Variants in NPSR1 observed in about 807,000 individuals in gnomAD.
NPSR1 encodes the protein neuropeptide S receptor 1.
In NPSR1, 48 loss-of-function variants were observed where a neutral mutation model predicts 46.9. That is an observed-to-expected ratio of 1.02 (90% CI 0.81 to 1.30). The LOEUF is 1.30. Among genes scored for constraint, NPSR1 ranks in the 50% most tolerant of loss-of-function variants. The pLI is 0.00. For missense variants in NPSR1, 450 were observed against 449.5 expected, an observed-to-expected ratio of 1.00 and a Z score of -0.01; for synonymous variants, 176 against 168.1, an observed-to-expected ratio of 1.05 and a Z score of -0.36.
At chr7:34,680,611 C>T (rs1306424715) in intron 1 of NPSR1, among the ~76,000 whole-genome samples, 1 of 152,112 alleles carries the variant, frequency 6.6e-6, no homozygotes, top group African/African-American at 2.4e-5. Flanking sequence ...CTGGAAACCA[C>T]CCAACTGTCT....
At chr7:34,666,377 C>G (rs896603968) in intron 1 of NPSR1, among the ~76,000 whole-genome samples, 2 of 152,310 alleles carry the variant, frequency 1.3e-5, no homozygotes, top group African/African-American at 2.4e-5. Context: ...CCTAGTCTCC[C>G]TTGCAGTTAA....
intron 3 of NPSR1, among the ~76,000 whole-genome samples, chr7:34,806,097 C>G (rs1788687564): frequency 1.3e-5 from 2 of 152,032 alleles, no homozygotes; most frequent in Admixed American, 1.3e-4. Context: ...CAAAATAGTA[C>G]AGTCACTTTG....
At chr7:34,696,536 C>G (rs1264433230) in intron 2 of NPSR1, among the ~76,000 whole-genome samples, 2 of 151,858 alleles carry the variant, frequency 1.3e-5, no homozygotes, top group Non-Finnish European at 2.9e-5. Flanking sequence ...TAAAACAAAA[C>G]ATTTAGGAAC....
chr7:34,702,705 T>G (rs912182163), intron 2 of NPSR1, among the ~76,000 whole-genome samples: 1 of 152,242 alleles, frequency 6.6e-6, no homozygotes, highest in Admixed American at 6.5e-5. Flanking sequence ...TTTTAGGCTA[T>G]TAGCAATCCT....
At chr7:34,808,069 A>T (rs563430316) in intron 3 of NPSR1, among the ~76,000 whole-genome samples, 71 of 152,168 alleles carry the variant, frequency 4.7e-4, no homozygotes, top group Non-Finnish European at 5.3e-4. Context: ...GGTAGAAGGG[A>T]GTGTGACACA....
chr7:34,854,902 T>C (rs1173649636), downstream of NPSR1, among the ~76,000 whole-genome samples: 1 of 151,976 alleles, frequency 6.6e-6, no homozygotes, highest in African/African-American at 2.4e-5. Flanking sequence ...TAAAACAAGC[T>C]TCAACACTTC....
Position 34,779,458 on chromosome 7 carries a change from A to G in NPSR1, c.384+893A>G, listed in dbSNP as rs1584001313. 6.6e-6 allele frequency: 3 copies of G among 455,342 alleles called. No homozygotes were observed. In the East Asian group the frequency reaches 1.2e-4, roughly 19 times the overall value. The allele number at this position is 455,342 out of a possible 1,614,324, so 28.2% of individuals were successfully genotyped here. The stretch of plus-strand genomic sequence containing the variant: ...AGAAAGCTTTATCCTGCTAGATTCC[A>G]TTTGTTAGTAGACTCTTTTAGGATC... On this transcript the variant is annotated intron_variant, in intron 3 of 8. Coordinates refer to ENST00000360581, the MANE Select transcript of NPSR1 (RefSeq NM_207172.2).
chr7:34,700,607 AAAT>A (rs1352925364), intron 2 of NPSR1, among the ~76,000 whole-genome samples: 3 of 152,222 alleles, frequency 2.0e-5, no homozygotes, highest in Non-Finnish European at 4.4e-5. Flanking sequence ...TTCCCCTATA[AAAT>A]AATATACTAA....
chr7:34,855,196 G>A (rs918110580), intron 8 of NPSR1, among the ~76,000 whole-genome samples: 1 of 151,950 alleles, frequency 6.6e-6, no homozygotes, highest in African/African-American at 2.4e-5. Flanking sequence ...ATCTTATGAA[G>A]TTAGAAACAT....
chr7:34,824,943 C>T (rs1227694871), intron 4 of NPSR1, among the ~76,000 whole-genome samples: 1 of 152,098 alleles, frequency 6.6e-6, no homozygotes, highest in East Asian at 1.9e-4. Context: ...TTAATCTGAA[C>T]TCCCACTGCT....
intron 4 of NPSR1, among the ~76,000 whole-genome samples, chr7:34,816,137 T>C (rs1420987601): frequency 6.8e-6 from 1 of 148,084 alleles, no homozygotes; most frequent in Non-Finnish European, 1.5e-5. Context: ...GGATAAAGAG[T>C]CAGGACCCAT....
intron 3 of NPSR1, among the ~76,000 whole-genome samples, chr7:34,782,894 A>G (rs1358278817): frequency 6.6e-6 from 1 of 152,190 alleles, no homozygotes; most frequent in African/African-American, 2.4e-5. Context: ...GAAATCAGTA[A>G]AACAGTACAA....
chr7:34,751,810 G>C, intron 2 of NPSR1: 1 of 1,584,916 alleles, frequency 6.3e-7, no homozygotes, highest in Admixed American at 1.7e-5. Flanking sequence ...GATCACTGTG[G>C]GACTCTCTGC....
At chr7:34,834,098 G>T in intron 5 of NPSR1, 1 of 418,146 alleles carries the variant, frequency 2.4e-6, no homozygotes, top group Non-Finnish European at 4.2e-6. Flanking sequence ...CCTGTTTTTG[G>T]ATTCTAATCA....
chr7:34,822,349 G>C (rs1789599599), intron 4 of NPSR1, among the ~76,000 whole-genome samples: 1 of 152,134 alleles, frequency 6.6e-6, no homozygotes, highest in East Asian at 1.9e-4. Flanking sequence ...GGAGCAGGGA[G>C]AAACCAGGAG....
intron 1 of NPSR1, among the ~76,000 whole-genome samples, chr7:34,663,043 C>CTCTCTCTCTG (rs1377311589): frequency 8.9e-6 from 1 of 112,060 alleles, no homozygotes; most frequent in Non-Finnish European, 1.7e-5. Flanking sequence ...TAGTGCATTT[C>CTCTCTCTCTG]TCTCTCTCTC....
intron 1 of NPSR1, among the ~76,000 whole-genome samples, chr7:34,678,166 G>A: frequency 6.7e-6 from 1 of 148,760 alleles, no homozygotes; most frequent in Middle Eastern, 3.6e-3. Flanking sequence ...CCATCCCCCA[G>A]CACCATCCAG....
At chr7:34,864,582 A>T (rs1297858543) in intron 8 of NPSR1, among the ~76,000 whole-genome samples, 1 of 151,822 alleles carries the variant, frequency 6.6e-6, no homozygotes, top group Non-Finnish European at 1.5e-5. Flanking sequence ...AAAAGTTCAA[A>T]GAAAATTAAT....
intron 2 of NPSR1, among the ~76,000 whole-genome samples, chr7:34,745,550 GCT>G (rs893965873): frequency 2.0e-5 from 3 of 151,954 alleles, no homozygotes; most frequent in African/African-American, 7.3e-5. Context: ...ATAGAGTTTT[GCT>G]CTGTCACCAG....
Sources: allele counts gnomAD v4.1 joint callset (sites outside exome capture counted in the v4.1 genomes callset), GRCh38; gene constraint gnomAD v4.1.1; transcripts MANE v1.5; gene names NCBI Gene and HGNC (gene_info 2026-07-23, HGNC 2026-07-21).